Variants in PCNX2 observed in about 807,000 individuals in gnomAD.
PCNX2 encodes pecanex-like protein 2.
Under a neutral mutation model 223.8 loss-of-function variants are expected in PCNX2, and 168 were observed. The ratio of observed to expected loss-of-function variants is 0.75; its 90% CI spans 0.66 to 0.85. The LOEUF is 0.85. PCNX2 is among the 40% of genes least tolerant of loss of function. The pLI is 0.00. For missense variants in PCNX2, 2,507 were observed against 2,675.5 expected (o/e 0.94, Z 1.39); for synonymous variants, 1,006 against 1,052.6 (o/e 0.96, Z 0.86).
At chr1:233,284,974 G>A (rs1020146368) in intron 1 of PCNX2, 57 of 985,216 alleles carry the variant, frequency 5.8e-5, no homozygotes, top group Admixed American at 1.8e-4. Context: ...CAAACAGTCC[G>A]TGTTCCTAAC....
intron 1 of PCNX2, among the ~76,000 whole-genome samples, chr1:233,288,545 T>C (rs1248034192): frequency 2.6e-5 from 4 of 151,888 alleles, no homozygotes; most frequent in African/African-American, 7.3e-5. Flanking sequence ...CAAGGATAAA[T>C]GGGAGGAGCT....
At chr1:232,998,809 A>T (rs979046733) in intron 31 of PCNX2, among the ~76,000 whole-genome samples, 3 of 152,322 alleles carry the variant, frequency 2.0e-5, no homozygotes, top group Non-Finnish European at 4.4e-5. Flanking sequence ...AGTTCTTGCT[A>T]ACAGATGTGG....
chr1:233,241,921 A>G (rs1019784521), intron 8 of PCNX2, among the ~76,000 whole-genome samples: 3 of 152,224 alleles, frequency 2.0e-5, no homozygotes, highest in Non-Finnish European at 4.4e-5. Flanking sequence ...CTAAACAGAC[A>G]TGATTATTTA....
At chr1:233,068,038 T>C (rs1002640217) in intron 23 of PCNX2, among the ~76,000 whole-genome samples, 11 of 151,866 alleles carry the variant, frequency 7.2e-5, no homozygotes, top group Non-Finnish European at 5.9e-5. Context: ...GCTTCTAAAA[T>C]ATAAACACAA....
At chr1:233,201,994 A>G (rs1324586271) in intron 13 of PCNX2, 1 of 296,196 alleles carries the variant, frequency 3.4e-6, no homozygotes, top group African/African-American at 2.3e-5. Flanking sequence ...AAGGAGGTCC[A>G]TGCACTAGAT....
intron 23 of PCNX2, 84 bp from the exon 24 acceptor site, chr1:233,057,374 T>A: frequency 1.9e-6 from 2 of 1,057,090 alleles, no homozygotes; most frequent in Non-Finnish European, 1.4e-6. Flanking sequence ...GCTGCATGAG[T>A]GGAAAATGCA....
chr1:233,211,332 ATT>A lies in PCNX2; in HGVS notation c.2692-2645_2692-2644del, dbSNP rs552399039. Among the ~76,000 whole-genome samples the A allele has an allele frequency of 1.3e-4, 19 of 142,442 alleles. No individual in the cohort carries two copies. In the South Asian group the frequency reaches 1.3e-3, roughly 10 times the overall value. 93.4% of individuals were successfully genotyped at this position (142,442 alleles called of 152,430 possible). On this transcript the variant is annotated intron_variant, in intron 12 of 33. Coordinates refer to ENST00000258229, the MANE Select transcript of PCNX2 (RefSeq NM_014801.4). Reference sequence around the variant, plus strand: ...ATGTTCCTGTCTCCCCCACATTCAGATTTTTTTTTTTTTTTAAAGAAAGGATC... The same window carrying A: ...ATGTTCCTGTCTCCCCCACATTCAGATTTTTTTTTTTTTAAAGAAAGGATC...
At chr1:233,271,379 T>C (rs1660628660) in intron 1 of PCNX2, among the ~76,000 whole-genome samples, 1 of 152,162 alleles carries the variant, frequency 6.6e-6, no homozygotes, top group Non-Finnish European at 1.5e-5. Context: ...TTGGAAATAG[T>C]TTTGGCTTGA....
chr1:232,999,440 T>G (rs1669999222), intron 30 of PCNX2, 61 bp from the exon 31 acceptor site: 1 of 1,454,322 alleles, frequency 6.9e-7, no homozygotes, highest in African/African-American at 1.4e-5. Flanking sequence ...AGTCTATTGG[T>G]TTTTTCTTTT....
At chr1:233,208,720 CCT>C (rs1475707908) in intron 12 of PCNX2, 31 bp from the exon 13 acceptor site, 2 of 1,568,544 alleles carry the variant, frequency 1.3e-6, no homozygotes, top group African/African-American at 2.8e-5. Flanking sequence ...CTGAATGGTA[CCT>C]CTTATTTTGA....
the PCNX2 span, among the ~76,000 whole-genome samples, chr1:233,300,958 A>C: frequency 3.9e-5 from 6 of 152,096 alleles, no homozygotes; most frequent in Admixed American, 2.0e-4. Context: ...TTGCTCACTA[A>C]CTTTATTGTG....
chr1:233,231,784 A>T, intron 9 of PCNX2: 1 of 501,824 alleles, frequency 2.0e-6, no homozygotes, highest in Non-Finnish European at 2.6e-6. Context: ...AATTTTGAGA[A>T]ATCACAGAGT....
intron 10 of PCNX2, among the ~76,000 whole-genome samples, chr1:233,225,992 T>C (rs1300906110): frequency 6.6e-6 from 1 of 152,218 alleles, no homozygotes; most frequent in Non-Finnish European, 1.5e-5. Context: ...GTGATCACAC[T>C]ATTTAAGACA....
intron 21 of PCNX2, among the ~76,000 whole-genome samples, chr1:233,124,317 A>C (rs763819385): frequency 1.3e-5 from 2 of 152,032 alleles, no homozygotes; most frequent in Non-Finnish European, 2.9e-5. Flanking sequence ...CTTATCCAGC[A>C]GACAGCAAAC....
chr1:233,202,107 T>C (rs1423074147), intron 13 of PCNX2: 4 of 451,064 alleles, frequency 8.9e-6, no homozygotes, highest in East Asian at 7.2e-5. Flanking sequence ...ATCTGTCAGG[T>C]TGCAGTGAAC....
the PCNX2 span, among the ~76,000 whole-genome samples, chr1:233,326,490 T>C: frequency 1.3e-5 from 2 of 152,214 alleles, no homozygotes; most frequent in African/African-American, 2.4e-5. Flanking sequence ...CTAAAAACCC[T>C]ATAAAGTAGG....
intron 9 of PCNX2, among the ~76,000 whole-genome samples, chr1:233,235,957 A>AAAAAATATATATATATATAT (rs369886650): frequency 2.6e-4 from 24 of 93,094 alleles, no homozygotes; most frequent in African/African-American, 3.5e-4. Context: ...CATAAAAAAA[A>AAAAAATATATATATATATAT]ATATATATAT....
intron 23 of PCNX2, chr1:233,058,533 C>T (rs1672272819): frequency 6.6e-6 from 1 of 152,182 alleles, no homozygotes; most frequent in Admixed American, 6.5e-5. Context: ...TAAGAAAGGG[C>T]TTCCACAAAT....
chr1:233,045,011 T>C (rs982884399), intron 25 of PCNX2, among the ~76,000 whole-genome samples: 7 of 152,206 alleles, frequency 4.6e-5, no homozygotes, highest in African/African-American at 1.7e-4. Flanking sequence ...TCATTCATTA[T>C]GGTACCAGAC....
Sources: gnomAD v4.1 joint callset for allele counts (sites outside exome capture counted in the v4.1 genomes callset) on GRCh38, gnomAD v4.1.1 for gene constraint, MANE v1.5 for transcripts, NCBI Gene and HGNC (gene_info 2026-07-23, HGNC 2026-07-21) for gene names.